The following MIS18A variants were observed in gnomAD, a reference collection of about 807,000 sequenced individuals.
MIS18A encodes protein Mis18-alpha.
MIS18A carries 14 observed loss-of-function variants against 25.0 expected under a neutral mutation model. That is an observed-to-expected ratio of 0.56 (90% CI 0.37 to 0.88). The LOEUF is 0.88. Among genes scored for constraint, MIS18A ranks in the 40% least tolerant of loss-of-function variants. MIS18A has a pLI of 0.00. For synonymous variants in MIS18A, 134 were observed against 118.6 expected, an observed-to-expected ratio of 1.13 and a Z score of -0.84; for missense variants, 292 against 290.8, an observed-to-expected ratio of 1.00 and a Z score of -0.03.
chr21:32,252,236 AAGAAGGAGGAGGAGGAGG>A, the MIS18A span, among the ~76,000 whole-genome samples: 7 of 36,810 alleles, frequency 1.9e-4, no homozygotes, highest in Admixed American at 6.1e-4. Context: ...GAAGAAGAAG[AAGAAGGAGGAGGAGGAGG>A]AGGAGGAGGA....
downstream of MIS18A, among the ~76,000 whole-genome samples, chr21:32,267,867 G>A (rs1198825139): frequency 3.9e-5 from 6 of 152,322 alleles, no homozygotes; most frequent in Admixed American, 2.6e-4. Context: ...CTGCGAGAGA[G>A]AACGCCTAAA....
chr21:32,257,022 T>C, the MIS18A span, among the ~76,000 whole-genome samples: 211 of 152,030 alleles, frequency 1.4e-3, no homozygotes, highest in African/African-American at 4.8e-3. Flanking sequence ...TCCTTCAGAG[T>C]GGAGAGAAAC....
At chr21:32,214,650 T>C in the MIS18A span, among the ~76,000 whole-genome samples, 6 of 152,226 alleles carry the variant, frequency 3.9e-5, no homozygotes, top group Admixed American at 3.9e-4. Context: ...CCCATTACCA[T>C]ATTTCAAAAT....
the MIS18A span, chr21:32,259,923 C>CA: frequency 1.3e-5 from 2 of 152,304 alleles, no homozygotes; most frequent in Middle Eastern, 6.8e-3. Flanking sequence ...TAAATGAGCT[C>CA]AATTTGGTAA....
Position 32,278,765 on chromosome 21 carries a change from G to C in MIS18A, c.250C>G (p.Leu84Val), listed in dbSNP as rs1373603104. 2.5e-6 allele frequency: 4 copies of C among 1,579,768 alleles called. No homozygotes were observed. Among genetic ancestry groups the C allele is most frequent in the Non-Finnish European group, 3.4e-6 (4 of 1,168,468 alleles). Reference sequence around the variant, plus strand: ...AGCGGCCGCCGGCAGCCGGAGCACAGGAACACCAGCGGCCTCTCCTCCGCA... The same window carrying C: ...AGCGGCCGCCGGCAGCCGGAGCACACGAACACCAGCGGCCTCTCCTCCGCA... ...AAAEERPLVF[L>V]CSGCRRPLGD... The change falls in exon 1 of 5, where the codon CTG becomes GTG. Residue 84 changes from leucine to valine, a missense_variant. Transcript: ENST00000290130.
the MIS18A span, among the ~76,000 whole-genome samples, chr21:32,255,361 G>A: frequency 6.6e-6 from 1 of 151,828 alleles, no homozygotes; most frequent in Non-Finnish European, 1.5e-5. Context: ...GTCCTGAGTA[G>A]CTCGGATTAC....
chr21:32,273,476 T>C (rs540909078), intron 2 of MIS18A, among the ~76,000 whole-genome samples: 213 of 152,182 alleles, frequency 1.4e-3, no homozygotes, highest in Non-Finnish European at 2.2e-3. Context: ...ACGACATTAT[T>C]ATCACTCCAG....
the MIS18A span, among the ~76,000 whole-genome samples, chr21:32,160,248 A>C: frequency 6.6e-6 from 1 of 151,866 alleles, no homozygotes; most frequent in Non-Finnish European, 1.5e-5. Flanking sequence ...GGGTAAGATA[A>C]AAAAATCAGA....
the MIS18A span, among the ~76,000 whole-genome samples, chr21:32,221,906 G>A: frequency 4.0e-5 from 6 of 151,408 alleles, no homozygotes; most frequent in African/African-American, 1.2e-4. Flanking sequence ...AAAAAAGCTA[G>A]CATCATAATG....
chr21:32,244,280 G>T, the MIS18A span, among the ~76,000 whole-genome samples: 1 of 152,080 alleles, frequency 6.6e-6, no homozygotes, highest in Non-Finnish European at 1.5e-5. Flanking sequence ...GACTCCAAAA[G>T]GGCACACGGG....
chr21:32,187,616 T>A, the MIS18A span, among the ~76,000 whole-genome samples: 2 of 152,252 alleles, frequency 1.3e-5, no homozygotes, highest in East Asian at 3.9e-4. Context: ...TGTTAGTCCA[T>A]CCCTTTAAGG....
the MIS18A span, among the ~76,000 whole-genome samples, chr21:32,187,632 G>A: frequency 2.0e-5 from 3 of 152,156 alleles, no homozygotes; most frequent in Admixed American, 6.5e-5. Context: ...TAAGGCCAAA[G>A]CTGACAGACA....
At chr21:32,162,296 T>C in the MIS18A span, among the ~76,000 whole-genome samples, 2 of 152,142 alleles carry the variant, frequency 1.3e-5, no homozygotes, top group African/African-American at 4.8e-5. Context: ...CACTTCCCAC[T>C]TTCCCAACTG....
At chr21:32,256,202 A>T in the MIS18A span, among the ~76,000 whole-genome samples, 8 of 152,156 alleles carry the variant, frequency 5.3e-5, no homozygotes, top group Non-Finnish European at 7.3e-5. Context: ...TCTTTACTGG[A>T]CAAAATCACA....
chr21:32,240,790 T>C, the MIS18A span, among the ~76,000 whole-genome samples: 1 of 118,108 alleles, frequency 8.5e-6, no homozygotes, highest in African/African-American at 3.4e-5. Context: ...TTTTTTAAAG[T>C]ACCTACTCAA....
the MIS18A span, among the ~76,000 whole-genome samples, chr21:32,175,197 C>G: frequency 6.6e-6 from 1 of 152,124 alleles, no homozygotes; most frequent in Non-Finnish European, 1.5e-5. Context: ...TTTAAACATA[C>G]CCAAACATAT....
the MIS18A span, among the ~76,000 whole-genome samples, chr21:32,189,982 C>T: frequency 6.6e-5 from 10 of 152,214 alleles, no homozygotes; most frequent in South Asian, 2.1e-4. Context: ...CTCACTTTCT[C>T]CTCCACCCAG....
chr21:32,179,872 T>C, the MIS18A span, among the ~76,000 whole-genome samples: 1 of 152,244 alleles, frequency 6.6e-6, no homozygotes, highest in Non-Finnish European at 1.5e-5. Flanking sequence ...CATGAAACTC[T>C]GCATACAATG....
chr21:32,164,102 G>A, the MIS18A span, among the ~76,000 whole-genome samples: 12 of 152,154 alleles, frequency 7.9e-5, no homozygotes, highest in African/African-American at 2.9e-4. Flanking sequence ...CATTCTTGAG[G>A]GATCCACCCC....
Sources: gnomAD v4.1 joint callset for allele counts (sites outside exome capture counted in the v4.1 genomes callset) on GRCh38, gnomAD v4.1.1 for gene constraint, MANE v1.5 for transcripts, NCBI Gene and HGNC (gene_info 2026-07-23, HGNC 2026-07-21) for gene names.